PLXNA4: variants seen among roughly 807,000 people sequenced by gnomAD.
PLXNA4 encodes plexin-A4.
Under a neutral mutation model 191.8 loss-of-function variants are expected in PLXNA4, and 44 were observed. The ratio of observed to expected loss-of-function variants is 0.23; its 90% confidence interval spans 0.18 to 0.29. The LOEUF is 0.29. Among genes scored for constraint, PLXNA4 ranks in the 10% least tolerant of loss-of-function variants. The pLI, the probability that PLXNA4 is intolerant of heterozygous loss-of-function variation, is 1.00. For missense variants in PLXNA4, 1,800 were observed against 2,488.8 expected (o/e 0.72, Z 5.89); for synonymous variants, 1,082 against 1,009.5 (o/e 1.07, Z -1.36).
Position 132,148,007 on chromosome 7 carries a change from G to A in PLXNA4, c.4765-8C>T. The A allele has an allele frequency of 6.2e-7, 1 of 1,614,092 alleles. No homozygotes were observed. The highest frequency in any genetic ancestry group is 8.5e-7 in the Non-Finnish European group (1 of 1,180,008). ...CACGGAACCATCTGGCACCTACAGG[G>A]AAAAAGCTTCTCAGGGCCTAGGCAC... is the stretch of plus-strand genomic sequence containing the variant. On this transcript the variant is annotated splice_region_variant and splice_polypyrimidine_tract_variant and intron_variant, in intron 26 of 31. Transcript: ENST00000321063.
At chr7:132,519,149 A>T (rs156978) in intron 1 of PLXNA4, among the ~76,000 whole-genome samples, 64,936 of 152,144 alleles carry the variant, frequency 0.43, 14,336 homozygotes, top group African/African-American at 0.54. Context: ...ACTTCTTTCC[A>T]GCATCTCACT....
chr7:132,334,584 A>T (rs1802741572), intron 3 of PLXNA4, among the ~76,000 whole-genome samples: 1 of 151,994 alleles, frequency 6.6e-6, no homozygotes, highest in African/African-American at 2.4e-5. Context: ...TACTCTAGAG[A>T]GAGACACTGC....
At chr7:132,478,392 A>G (rs1258589315) in intron 3 of PLXNA4, among the ~76,000 whole-genome samples, 1 of 152,250 alleles carries the variant, frequency 6.6e-6, no homozygotes, top group South Asian at 2.1e-4. Flanking sequence ...TTTACTCATC[A>G]CAAGTGATAC....
At chr7:132,171,833 G>A (rs1796296695) in intron 21 of PLXNA4, among the ~76,000 whole-genome samples, 2 of 152,190 alleles carry the variant, frequency 1.3e-5, no homozygotes, top group Non-Finnish European at 2.9e-5. Flanking sequence ...TCTGTAAAAT[G>A]AGAATATGAG....
chr7:132,487,952 T>C (rs528665105), intron 3 of PLXNA4, among the ~76,000 whole-genome samples: 5 of 152,362 alleles, frequency 3.3e-5, no homozygotes, highest in African/African-American at 9.6e-5. Flanking sequence ...ATACAATTCT[T>C]AAAAATGTGT....
chr7:132,482,013 C>T (rs1241380950), intron 3 of PLXNA4, among the ~76,000 whole-genome samples: 2 of 152,168 alleles, frequency 1.3e-5, no homozygotes, highest in Non-Finnish European at 2.9e-5. Flanking sequence ...TGAGGAAGGC[C>T]GTGTCCTTTT....
chr7:132,504,235 G>A (rs538047940), intron 2 of PLXNA4, among the ~76,000 whole-genome samples: 14 of 152,232 alleles, frequency 9.2e-5, no homozygotes, highest in Admixed American at 5.9e-4. Context: ...CCCTCTGTGC[G>A]GTCCTCAGGC....
At chr7:132,575,725 G>A (rs180756233) in intron 1 of PLXNA4, among the ~76,000 whole-genome samples, 251 of 152,328 alleles carry the variant, frequency 1.6e-3, no homozygotes, top group African/African-American at 5.7e-3. Flanking sequence ...ACGCGGCGAT[G>A]CTTTAAGCCG....
intron 3 of PLXNA4, among the ~76,000 whole-genome samples, chr7:132,335,302 A>G (rs1285086899): frequency 6.6e-6 from 1 of 152,208 alleles, no homozygotes; most frequent in Non-Finnish European, 1.5e-5. Context: ...GGAGGACACT[A>G]AATAAACAGC....
intron 1 of PLXNA4, among the ~76,000 whole-genome samples, chr7:132,517,327 A>G (rs563511734): frequency 6.6e-6 from 1 of 152,246 alleles, no homozygotes; most frequent in South Asian, 2.1e-4. Flanking sequence ...CAAAGCAGGG[A>G]AGAAATAAGT....
In PLXNA4 at chr7:132,127,097, G is replaced by A. The variant is rs1794789234; in HGVS notation, c.*3382C>T. ...CCTCTACTTATTCCTTAAAATTTAG[G>A]ACCCCACAAAGCCCCCTTCTTCCCT... On this transcript the variant is annotated 3_prime_UTR_variant, in exon 32 of 32. Coordinates refer to ENST00000321063, the MANE Select transcript of PLXNA4 (RefSeq NM_020911.2). 2.0e-5 allele frequency: 3 copies of A among 151,978 alleles called. No homozygotes were observed. Among genetic ancestry groups the A allele is most frequent in the Non-Finnish European group, 4.4e-5 (3 of 68,018 alleles). The allele number at this position is 151,978 out of a possible 1,614,324, so 9.4% of individuals were successfully genotyped here. A position where few individuals can be genotyped will look rare whatever the true frequency, so the allele number is the denominator to read the frequency against.
At chr7:132,462,058 G>A (rs1245185526) in intron 3 of PLXNA4, among the ~76,000 whole-genome samples, 1 of 152,124 alleles carries the variant, frequency 6.6e-6, no homozygotes, top group African/African-American at 2.4e-5. Flanking sequence ...GTGTTTGAAA[G>A]GGATGAATCC....
intron 4 of PLXNA4, among the ~76,000 whole-genome samples, chr7:132,281,370 C>T (rs1261102356): frequency 2.0e-5 from 3 of 152,076 alleles, no homozygotes; most frequent in African/African-American, 7.2e-5. Context: ...AGATTTCCAT[C>T]TTCTCTGATG....
chr7:132,453,044 C>A (rs962813189), intron 3 of PLXNA4, among the ~76,000 whole-genome samples: 1 of 152,028 alleles, frequency 6.6e-6, no homozygotes, highest in Non-Finnish European at 1.5e-5. Flanking sequence ...CCACGCACCA[C>A]GTTCTAGTTT....
intron 29 of PLXNA4, among the ~76,000 whole-genome samples, chr7:132,144,132 A>G (rs1584758937): frequency 6.6e-6 from 1 of 152,186 alleles, no homozygotes. Context: ...ACAGGCCCAC[A>G]CTGCCTCAGA....
chr7:132,373,948 G>A lies in PLXNA4; in HGVS notation c.1372-75726C>T, dbSNP rs1008706102. On this transcript the variant is annotated intron_variant, in intron 3 of 31. Transcript: ENST00000321063. ...TATTTAATAGGGATATATAAGAGAG[G>A]ATTCCAACCTGAGGCTCAGGTGGCC... Among the ~76,000 whole-genome samples, 17 of 152,106 alleles carry A rather than the reference G, an allele frequency of 1.1e-4. 1 individual carries two copies. The highest frequency in any genetic ancestry group is 3.9e-4 in the Admixed American group (6 of 15,278).
At chr7:132,494,216 T>A (rs753854214) in intron 2 of PLXNA4, among the ~76,000 whole-genome samples, 22 of 152,180 alleles carry the variant, frequency 1.4e-4, no homozygotes, top group African/African-American at 4.1e-4. Context: ...TTCCCAAATA[T>A]CTTCCAGAAT....
At chr7:132,594,943 ATAGATAGATAGATAG>A (rs1257551701) in intron 2 of PLXNA4, among the ~76,000 whole-genome samples, 26 of 148,774 alleles carry the variant, frequency 1.7e-4, no homozygotes, top group Non-Finnish European at 2.7e-4. Context: ...AGATAGATAG[ATAGATAGATAGATAG>A]ATAGATAATT....
At chr7:132,645,753 G>A (rs1803854627) in intron 2 of PLXNA4, among the ~76,000 whole-genome samples, 1 of 152,166 alleles carries the variant, frequency 6.6e-6, no homozygotes, top group Non-Finnish European at 1.5e-5. Flanking sequence ...AAGTTGGGAA[G>A]AGCACAAAGT....
Sources: gnomAD v4.1 joint callset for allele counts (sites outside exome capture counted in the v4.1 genomes callset) on GRCh38, gnomAD v4.1.1 for gene constraint, MANE v1.5 for transcripts, NCBI Gene and HGNC (gene_info 2026-07-23, HGNC 2026-07-21) for gene names.